TSPAN31: variants seen among roughly 807,000 people sequenced by gnomAD.
The protein encoded by TSPAN31 is tetraspanin 31.
A neutral mutation model predicts 24.8 loss-of-function variants in TSPAN31; 16 were observed. The ratio of observed to expected loss-of-function variants is 0.64; its 90% confidence interval spans 0.44 to 0.98. The LOEUF (loss-of-function observed/expected upper bound fraction) is 0.98. Ranked by LOEUF, TSPAN31 falls within the 50% of genes least tolerant of loss-of-function variation. The probability of loss-of-function intolerance (pLI) is 0.00; values close to 1 mark genes in which losing one functional copy is unlikely to be tolerated. For missense variants in TSPAN31, 209 were observed against 251.6 expected, an observed-to-expected ratio of 0.83 and a Z score of 1.15; for synonymous variants, 87 against 91.4, an observed-to-expected ratio of 0.95 and a Z score of 0.27.
chr12:57,748,264 T>A lies in TSPAN31; in HGVS notation c.*974T>A. On this transcript the variant is annotated 3_prime_UTR_variant, in exon 6 of 6. Transcript: ENST00000257910. ...CATTATTTCTTTGTTTTGTTTTTCCTGTATAAAAAAGGACCCCAAATATAA... is the reference window on the plus strand; with the variant it reads ...CATTATTTCTTTGTTTTGTTTTTCCAGTATAAAAAAGGACCCCAAATATAA... 7.6e-6 allele frequency: 3 copies of A among 394,348 alleles called. No individual in the cohort carries two copies. Among genetic ancestry groups the A allele is most frequent in the Non-Finnish European group, 1.4e-5 (3 of 213,686 alleles). The allele number at this position is 394,348 out of a possible 1,614,324, so 24.4% of individuals were successfully genotyped here.
At position 57,748,293 on chromosome 12, in the gene TSPAN31, T is replaced by A; in HGVS notation, c.*1003T>A. ...TAAAAAAGGACCCCAAATATAAAGG[T>A]AGGGAAAGGGACAAGAGGGAACATA... On this transcript the variant is annotated 3_prime_UTR_variant, in exon 6 of 6. Coordinates refer to ENST00000257910, the MANE Select transcript of TSPAN31 (RefSeq NM_005981.5). 2.1e-6 allele frequency: 1 copy of A among 471,376 alleles called. No individual in the cohort carries two copies. The highest frequency in any genetic ancestry group is 3.8e-6 in the Non-Finnish European group (1 of 260,056). The allele number at this position is 471,376 out of a possible 1,614,324, so 29.2% of individuals were successfully genotyped here. A position where few individuals can be genotyped will look rare whatever the true frequency, so the allele number is the denominator to read the frequency against.
Position 57,750,012 on chromosome 12 carries a change from G to C in TSPAN31, c.*2722G>C, listed in dbSNP as rs1358838002. ...CTCCATCTAAAAAAAAAAAAAGCCA[G>C]TCATGGTGGCGTGCACCTGTAGTCT... On this transcript the variant is annotated 3_prime_UTR_variant, in exon 6 of 6. Coordinates refer to ENST00000257910, the MANE Select transcript of TSPAN31 (RefSeq NM_005981.5). 3 of 171,858 alleles carry C rather than the reference G, an allele frequency of 1.7e-5. No individual in the cohort carries two copies. Among genetic ancestry groups the C allele is most frequent in the African/African-American group, 7.4e-5 (3 of 40,696 alleles). 10.6% of individuals were successfully genotyped at this position (171,858 alleles called of 1,614,324 possible). A position where few individuals can be genotyped will look rare whatever the true frequency, so the allele number is the denominator to read the frequency against.
chr12:57,749,419 A>G lies in TSPAN31; in HGVS notation c.*2129A>G, dbSNP rs2140383627. On this transcript the variant is annotated 3_prime_UTR_variant, in exon 6 of 6. Transcript: ENST00000257910. ...GGGTTCAGCAGAAAGAGGACTCAGA[A>G]TAGAAAATCTTTTTCTCCCATGTTG... 1 of 1,613,714 alleles carries G rather than the reference A, an allele frequency of 6.2e-7. No individual in the cohort carries two copies. The highest frequency in any genetic ancestry group is 2.2e-5 in the East Asian group (1 of 44,880).
chr12:57,746,087 G>A, intron 2 of TSPAN31, 89 bp from the exon 3 acceptor site: 1 of 1,450,188 alleles, frequency 6.9e-7, no homozygotes, highest in Non-Finnish European at 9.6e-7. Context: ...ACATGGTGGT[G>A]TAAGTTCTAT....
At position 57,746,197 on chromosome 12, in the gene TSPAN31, GTCT is replaced by G; in HGVS notation, c.256_258del (p.Phe86del). 1.2e-6 allele frequency: 2 copies of G among 1,614,062 alleles called. No individual in the cohort carries two copies. The highest frequency in any genetic ancestry group is 1.7e-6 in the Non-Finnish European group (2 of 1,179,978). On this transcript the variant is annotated inframe_deletion, in exon 3 of 6. Coordinates refer to ENST00000257910, the MANE Select transcript of TSPAN31 (RefSeq NM_005981.5). Reference sequence around the variant, plus strand: ...TCAGTACATGATCATCCTTGGTTTGGTCTTCATCTTCCAATTTGTAATCTCTTG... The same window carrying G: ...TCAGTACATGATCATCCTTGGTTTGGTCATCTTCCAATTTGTAATCTCTTG...
In TSPAN31 at chr12:57,747,754, T is replaced by A. The variant is rs1955175440; in HGVS notation, c.*464T>A. ...CATTTAAAAATCTATATTCTTTTTTTTTTTTTGACACAGAGTCTTGCTCTG... is the reference window on the plus strand; with the variant it reads ...CATTTAAAAATCTATATTCTTTTTTATTTTTTGACACAGAGTCTTGCTCTG... On this transcript the variant is annotated 3_prime_UTR_variant, in exon 6 of 6. Coordinates refer to ENST00000257910, the MANE Select transcript of TSPAN31 (RefSeq NM_005981.5). 6.2e-6 allele frequency: 1 copy of A among 160,292 alleles called. No homozygotes were observed. Among genetic ancestry groups the A allele is most frequent in the Non-Finnish European group, 1.4e-5 (1 of 72,930 alleles). The allele number at this position is 160,292 out of a possible 1,614,324, so 9.9% of individuals were successfully genotyped here.
chr12:57,746,976 CTT>C, intron 4 of TSPAN31, 40 bp from the exon 5 acceptor site: 1 of 1,569,222 alleles, frequency 6.4e-7, no homozygotes, highest in African/African-American at 1.4e-5. Flanking sequence ...TCACTAGCAA[CTT>C]TACATTCACA....
In TSPAN31 at chr12:57,749,225, G is replaced by A. The variant is rs201617914; in HGVS notation, c.*1935G>A. 1.3e-4 allele frequency: 207 copies of A among 1,614,006 alleles called. No homozygotes were observed. The highest frequency in any genetic ancestry group is 2.3e-4 in the Admixed American group (14 of 60,016). On this transcript the variant is annotated 3_prime_UTR_variant, in exon 6 of 6. Coordinates refer to ENST00000257910, the MANE Select transcript of TSPAN31 (RefSeq NM_005981.5). ...CGACTCCTCCATCTCAGGTACCACC[G>A]ACTGCACTGGGCGGGGCCCTCTGGG...
chr12:57,748,791 C>T lies in TSPAN31; in HGVS notation c.*1501C>T, dbSNP rs574043738. 15 of 599,848 alleles carry T rather than the reference C, an allele frequency of 2.5e-5. No individual in the cohort carries two copies. Among genetic ancestry groups the T allele is most frequent in the East Asian group, 1.2e-4 (4 of 33,866 alleles). 37.2% of individuals were successfully genotyped at this position (599,848 alleles called of 1,614,324 possible). A position where few individuals can be genotyped will look rare whatever the true frequency, so the allele number is the denominator to read the frequency against. Reference sequence around the variant, plus strand: ...TATGATCTCAGCTCACTGCAACCTCCGCCTCCTGAGTTGAAGTGATTCTCC... The same window carrying T: ...TATGATCTCAGCTCACTGCAACCTCTGCCTCCTGAGTTGAAGTGATTCTCC... On this transcript the variant is annotated 3_prime_UTR_variant, in exon 6 of 6. Transcript: ENST00000257910.
In TSPAN31 at chr12:57,748,205, A is replaced by G; in HGVS notation, c.*915A>G. The G allele has an allele frequency of 5.3e-6, 2 of 376,084 alleles. No individual in the cohort carries two copies. Among genetic ancestry groups the G allele is most frequent in the Non-Finnish European group, 9.9e-6 (2 of 202,678 alleles). 23.3% of individuals were successfully genotyped at this position (376,084 alleles called of 1,614,324 possible). On this transcript the variant is annotated 3_prime_UTR_variant, in exon 6 of 6. Transcript: ENST00000257910. Reference sequence around the variant, plus strand: ...CCAAATCGCACAATGGCAAAGCCAAACAGAGGAAGAAACATTAAAAAAAAA... The same window carrying G: ...CCAAATCGCACAATGGCAAAGCCAAGCAGAGGAAGAAACATTAAAAAAAAA...
chr12:57,745,806 G>T lies in TSPAN31; in HGVS notation c.125G>T (p.Ser42Ile), dbSNP rs762545683. 3 of 1,614,048 alleles carry T rather than the reference G, an allele frequency of 1.9e-6. No homozygotes were observed. The highest frequency in any genetic ancestry group is 2.5e-6 in the Non-Finnish European group (3 of 1,180,004). Residue 42 changes from serine to isoleucine, a missense_variant, in exon 2 of 6, where the codon AGC becomes ATC. Ser to Ile is a moderately radical substitution (Grantham distance 142). Transcript: ENST00000257910. ...GGCAAGGGCCTGGGTCTGGTGTCCAGCATCCACATCATCGGCGGAGTCATT... is the reference window on the plus strand; with the variant it reads ...GGCAAGGGCCTGGGTCTGGTGTCCATCATCCACATCATCGGCGGAGTCATT... ...AWGKGLGLVS[S>I]IHIIGGVIAV... is the part of the protein sequence containing the mutation.
rs1004724115 is a variant in TSPAN31, at chr12:57,748,846, C to T, written c.*1556C>T. 5.4e-6 allele frequency: 3 copies of T among 555,022 alleles called. No individual in the cohort carries two copies. The highest frequency in any genetic ancestry group is 9.6e-6 in the Non-Finnish European group (3 of 311,388). The allele number at this position is 555,022 out of a possible 1,614,324, so 34.4% of individuals were successfully genotyped here. A position where few individuals can be genotyped will look rare whatever the true frequency, so the allele number is the denominator to read the frequency against. Reference sequence around the variant, plus strand: ...TCAGCCTCCCAAGTAGCTGAGATTACAGGCGTGTGCCACCACCCCCGGCTT... The same window carrying T: ...TCAGCCTCCCAAGTAGCTGAGATTATAGGCGTGTGCCACCACCCCCGGCTT... On this transcript the variant is annotated 3_prime_UTR_variant, in exon 6 of 6. Transcript: ENST00000257910.
At position 57,746,179 on chromosome 12, in the gene TSPAN31, A is replaced by G. The variant is rs759086468; in HGVS notation, c.235A>G (p.Met79Val). ...NHHQVLLFFY[M>V]IILGLVFIFQ... is the part of the protein sequence containing the mutation. ...TTTCCATAACCTTTCCTCTCAGTAC[A>G]TGATCATCCTTGGTTTGGTCTTCAT... The change falls in exon 3 of 6, where the codon ATG becomes GTG. Residue 79 changes from methionine to valine, a missense_variant. By Grantham distance (21) the Met-to-Val change is conservative. Coordinates refer to ENST00000257910, the MANE Select transcript of TSPAN31 (RefSeq NM_005981.5). 1.9e-6 allele frequency: 3 copies of G among 1,613,802 alleles called. No individual in the cohort carries two copies. Among genetic ancestry groups the G allele is most frequent in the African/African-American group, 2.7e-5 (2 of 74,932 alleles).
chr12:57,748,608 T>C lies in TSPAN31; in HGVS notation c.*1318T>C, dbSNP rs767343306. On this transcript the variant is annotated 3_prime_UTR_variant, in exon 6 of 6. Coordinates refer to ENST00000257910, the MANE Select transcript of TSPAN31 (RefSeq NM_005981.5). ...GAGATTCGCTTGTGTGGGTTAAAAGTCAGCATTTCCTGAGGGGAGAGGCAA... is the reference window on the plus strand; with the variant it reads ...GAGATTCGCTTGTGTGGGTTAAAAGCCAGCATTTCCTGAGGGGAGAGGCAA... The C allele has an allele frequency of 1.9e-6, 3 of 1,613,260 alleles. No homozygotes were observed. Among genetic ancestry groups the C allele is most frequent in the Non-Finnish European group, 2.5e-6 (3 of 1,179,282 alleles).
Position 57,748,030 on chromosome 12 carries a change from C to T in TSPAN31, c.*740C>T. 4.0e-6 allele frequency: 1 copy of T among 252,384 alleles called. No individual in the cohort carries two copies. The highest frequency in any genetic ancestry group is 4.9e-5 in the Admixed American group (1 of 20,518). 15.6% of individuals were successfully genotyped at this position (252,384 alleles called of 1,614,324 possible). On this transcript the variant is annotated 3_prime_UTR_variant, in exon 6 of 6. Transcript: ENST00000257910. The stretch of plus-strand genomic sequence containing the variant: ...GTGCTGGGATTATAGGCGTGAGCCA[C>T]CACGCCCCGCCTAAAATCCATATTC...
Position 57,749,326 on chromosome 12 carries a change from G to T in TSPAN31, c.*2036G>T, listed in dbSNP as rs1565805752. On this transcript the variant is annotated 3_prime_UTR_variant, in exon 6 of 6. Coordinates refer to ENST00000257910, the MANE Select transcript of TSPAN31 (RefSeq NM_005981.5). ...GAGGCAGCCCAATCAGGCTGTGGGG[G>T]ACAGGAGAACTCTGGTCAGGAGGGT... is the stretch of plus-strand genomic sequence containing the variant. The T allele has an allele frequency of 4.3e-6, 7 of 1,614,196 alleles. No individual in the cohort carries two copies. Among genetic ancestry groups the T allele is most frequent in the Non-Finnish European group, 5.9e-6 (7 of 1,180,016 alleles).
Position 57,745,842 on chromosome 12 carries a change from TCTTC to T in TSPAN31, c.166_169del (p.Leu56SerfsTer23). 1 of 1,613,610 alleles carries T rather than the reference TCTTC, an allele frequency of 6.2e-7. No homozygotes were observed. Among genetic ancestry groups the T allele is most frequent in the South Asian group, 1.1e-5 (1 of 91,032 alleles). Reference sequence around the variant, plus strand: ...ATCGGCGGAGTCATTGCTGTGGGAGTCTTCCTTCTCCTTATTGCAGTGGCTGGAC... The same window carrying T: ...ATCGGCGGAGTCATTGCTGTGGGAGTCTTCTCCTTATTGCAGTGGCTGGAC... On this transcript the variant is annotated frameshift_variant, in exon 2 of 6. Transcript: ENST00000257910. LOFTEE classifies it high-confidence loss of function.
chr12:57,746,804 A>G (rs1197115842), intron 4 of TSPAN31, 84 bp downstream of exon 4: 1 of 1,584,368 alleles, frequency 6.3e-7, no homozygotes, highest in African/African-American at 1.3e-5. Flanking sequence ...ATTTAGTTTG[A>G]ATGTCATTGT....
chr12:57,748,255 T>A lies in TSPAN31; in HGVS notation c.*965T>A, dbSNP rs1300396808. On this transcript the variant is annotated 3_prime_UTR_variant, in exon 6 of 6. Coordinates refer to ENST00000257910, the MANE Select transcript of TSPAN31 (RefSeq NM_005981.5). ...AAAAAAGACCATTATTTCTTTGTTT[T>A]GTTTTTCCTGTATAAAAAAGGACCC... The A allele has an allele frequency of 2.6e-6, 1 of 386,302 alleles. No homozygotes were observed. The allele number at this position is 386,302 out of a possible 1,614,324, so 23.9% of individuals were successfully genotyped here. A position where few individuals can be genotyped will look rare whatever the true frequency, so the allele number is the denominator to read the frequency against.
Sources: gnomAD v4.1 joint callset for allele counts on GRCh38, gnomAD v4.1.1 for gene constraint, MANE v1.5 for transcripts, NCBI Gene and HGNC (gene_info 2026-07-23, HGNC 2026-07-21) for gene names.